GPC5: variants seen among roughly 807,000 people sequenced by gnomAD.
GPC5 encodes the protein glypican 5, also known as glypican-5.
In GPC5, 47 loss-of-function variants were observed where a neutral mutation model predicts 53.9. The ratio of observed to expected loss-of-function variants is 0.87; its 90% CI spans 0.69 to 1.11. The LOEUF (loss-of-function observed/expected upper bound fraction) is 1.11, where lower values mean the gene tolerates loss of function less well. GPC5 is among the 50% of genes most tolerant of loss of function. The pLI is 0.00. For missense variants in GPC5, 748 were observed against 713.1 expected (o/e 1.05, Z -0.56); for synonymous variants, 286 against 263.3 (o/e 1.09, Z -0.84).
At chr13:92,089,424 A>T (rs1207692025) in intron 6 of GPC5, among the ~76,000 whole-genome samples, 1 of 152,056 alleles carries the variant, frequency 6.6e-6, no homozygotes, top group African/African-American at 2.4e-5. Flanking sequence ...ACCATGCAAG[A>T]CTCTCTCTCA....
intron 7 of GPC5, among the ~76,000 whole-genome samples, chr13:92,217,534 G>T (rs780803752): frequency 6.6e-6 from 1 of 152,140 alleles, no homozygotes; most frequent in Non-Finnish European, 1.5e-5. Flanking sequence ...TCTATCTGCT[G>T]ATAGTCCCAT....
chr13:92,151,150 G>A (rs12430272), intron 7 of GPC5, among the ~76,000 whole-genome samples: 44,140 of 151,844 alleles, frequency 0.29, 7,359 homozygotes, highest in South Asian at 0.59. Context: ...CTGTGTGGAA[G>A]TAGTCATTTT....
intron 7 of GPC5, among the ~76,000 whole-genome samples, chr13:92,765,573 T>C (rs188869072): frequency 2.0e-4 from 31 of 152,250 alleles, no homozygotes; most frequent in South Asian, 4.1e-4. Flanking sequence ...AATGTAGAGA[T>C]TGATGTAGCC....
At chr13:92,421,517 G>A (rs1876559713) in intron 7 of GPC5, among the ~76,000 whole-genome samples, 1 of 151,964 alleles carries the variant, frequency 6.6e-6, no homozygotes, top group South Asian at 2.1e-4. Context: ...GGCTAACACG[G>A]TGAAACCCTG....
At chr13:92,317,185 C>T (rs1483086792) in intron 7 of GPC5, among the ~76,000 whole-genome samples, 3 of 152,148 alleles carry the variant, frequency 2.0e-5, no homozygotes, top group Non-Finnish European at 2.9e-5. Context: ...GGAAGTCGCC[C>T]AAAGGCCAGG....
intron 7 of GPC5, among the ~76,000 whole-genome samples, chr13:92,705,743 A>ATCTT (rs915537711): frequency 1.3e-5 from 2 of 152,078 alleles, no homozygotes; most frequent in African/African-American, 2.4e-5. Flanking sequence ...TTAAACTTCT[A>ATCTT]TCTTTCTCTT....
intron 7 of GPC5, among the ~76,000 whole-genome samples, chr13:92,714,624 C>T (rs1888262433): frequency 6.6e-6 from 1 of 152,086 alleles, no homozygotes; most frequent in Non-Finnish European, 1.5e-5. Flanking sequence ...AAGAGGTGAG[C>T]CTTGGAGATA....
At chr13:92,001,968 A>G (rs2040559227) in intron 6 of GPC5, among the ~76,000 whole-genome samples, 1 of 152,240 alleles carries the variant, frequency 6.6e-6, no homozygotes, top group African/African-American at 2.4e-5. Context: ...ACATTAAATA[A>G]CATTCCAAAA....
chr13:91,701,486 A>G (rs937313888), intron 3 of GPC5, among the ~76,000 whole-genome samples: 1 of 152,026 alleles, frequency 6.6e-6, no homozygotes, highest in Non-Finnish European at 1.5e-5. Context: ...AATTCCTTCT[A>G]GATTCGTGCA....
chr13:92,798,072 CA>C (rs1876764127), intron 7 of GPC5, among the ~76,000 whole-genome samples: 1 of 151,740 alleles, frequency 6.6e-6, no homozygotes, highest in African/African-American at 2.4e-5. Context: ...TTTTCAATAG[CA>C]ACAAGTCATG....
intron 7 of GPC5, among the ~76,000 whole-genome samples, chr13:92,471,997 G>A (rs1000812875): frequency 3.3e-5 from 5 of 152,052 alleles, no homozygotes; most frequent in African/African-American, 1.2e-4. Flanking sequence ...TTAGATTCCA[G>A]GTAATTTGGA....
intron 7 of GPC5, among the ~76,000 whole-genome samples, chr13:92,455,434 A>G (rs1002800586): frequency 6.6e-6 from 1 of 152,234 alleles, no homozygotes. Flanking sequence ...TACCACTGAA[A>G]TAGATAATCA....
chr13:92,294,813 CTT>C (rs1167990988), intron 7 of GPC5, among the ~76,000 whole-genome samples: 2 of 103,976 alleles, frequency 1.9e-5, no homozygotes, highest in African/African-American at 7.1e-5. Context: ...CTGTTTCTTT[CTT>C]TTTTTTTTTT....
chr13:91,737,531 A>C lies in GPC5; in HGVS notation c.1154+8866A>C, dbSNP rs558408211. 2.6e-5 allele frequency among the ~76,000 whole-genome samples: 4 copies of C among 151,600 alleles called. No homozygotes were observed. The South Asian group carries it at 8.3e-4, about 31-fold the overall frequency. ...TGAAAAAATAGGAATTGTAAAATCC[A>C]TCAGCGTCTTTGCCAACATAAATGA... On this transcript the variant is annotated intron_variant, in intron 4 of 7. Coordinates refer to ENST00000377067, the MANE Select transcript of GPC5 (RefSeq NM_004466.6).
intron 6 of GPC5, among the ~76,000 whole-genome samples, chr13:92,004,568 G>A (rs531540062): frequency 1.4e-5 from 2 of 147,656 alleles, no homozygotes; most frequent in Non-Finnish European, 3.0e-5. Context: ...CAGAGTCATG[G>A]ATTAAAAGAA....
intron 3 of GPC5, among the ~76,000 whole-genome samples, chr13:91,700,431 G>A (rs762918642): frequency 2.0e-5 from 3 of 152,196 alleles, no homozygotes; most frequent in Non-Finnish European, 4.4e-5. Context: ...AATTTCCTGA[G>A]AGAGGTAAAA....
intron 7 of GPC5, among the ~76,000 whole-genome samples, chr13:92,728,143 G>A (rs1888694992): frequency 6.6e-6 from 1 of 151,404 alleles, no homozygotes; most frequent in Non-Finnish European, 1.5e-5. Flanking sequence ...TACATAGCTT[G>A]TCTCTCAATG....
Position 92,332,306 on chromosome 13 carries a change from G to A in GPC5, c.1561+187317G>A, listed in dbSNP as rs560049601. The stretch of plus-strand genomic sequence containing the variant: ...CTAGAATAAACAAACTGAGGATATC[G>A]GTTTGATAGCTTATGTAATGTTTTT... On this transcript the variant is annotated intron_variant, in intron 7 of 7. Transcript: ENST00000377067. Among the ~76,000 whole-genome samples the A allele has an allele frequency of 2.0e-3, 303 of 152,134 alleles. 2 individuals are homozygous for A. Among genetic ancestry groups the A allele is most frequent in the Non-Finnish European group, 2.7e-3 (182 of 67,976 alleles).
chr13:91,715,747 G>C (rs1248065582), intron 3 of GPC5, among the ~76,000 whole-genome samples: 1 of 100,162 alleles, frequency 1.0e-5, no homozygotes, highest in Admixed American at 9.4e-5. Context: ...TCTTGAAGTT[G>C]TTTTTTTTTT....
Sources: allele counts gnomAD v4.1 joint callset (sites outside exome capture counted in the v4.1 genomes callset), GRCh38; gene constraint gnomAD v4.1.1; transcripts MANE v1.5; gene names NCBI Gene and HGNC (gene_info 2026-07-23, HGNC 2026-07-21).